ANKRD26: variants seen among roughly 807,000 people sequenced by gnomAD.
The protein encoded by ANKRD26 is ankyrin repeat domain-containing protein 26.
Under a neutral mutation model 208.7 loss-of-function variants are expected in ANKRD26, and 141 were observed. The ratio of observed to expected loss-of-function variants is 0.68; its 90% confidence interval spans 0.59 to 0.78. ANKRD26 has a LOEUF of 0.78. Among genes scored for constraint, ANKRD26 ranks in the 30% least tolerant of loss-of-function variants. The pLI is 0.00. For synonymous variants in ANKRD26, 636 were observed against 660.4 expected (o/e 0.96, Z 0.57); for missense variants, 1,889 against 1,938.7 (o/e 0.97, Z 0.48).
At chr10:27,033,073 A>C in intron 25 of ANKRD26, 152 bp downstream of exon 25, 19 of 384,192 alleles carry the variant, frequency 4.9e-5, no homozygotes, top group Non-Finnish European at 7.7e-5. Context: ...ATAGAACGAG[A>C]CTCCATCTCA....
At chr10:26,953,982 A>G in the ANKRD26 span, among the ~76,000 whole-genome samples, 1 of 152,216 alleles carries the variant, frequency 6.6e-6, no homozygotes, top group Non-Finnish European at 1.5e-5. Flanking sequence ...TCAATCATAT[A>G]ATCTAGTTAA....
At chr10:27,038,196 T>C (rs1268030459) in intron 21 of ANKRD26, 142 bp from the exon 22 acceptor site, 2 of 727,626 alleles carry the variant, frequency 2.7e-6, no homozygotes, top group Non-Finnish European at 4.4e-6. Flanking sequence ...AGTTCTCTGA[T>C]TTTTAATTTC....
At chr10:26,984,670 A>G (rs148318092) in intron 3 of ANKRD26, among the ~76,000 whole-genome samples, 5 of 152,292 alleles carry the variant, frequency 3.3e-5, no homozygotes, top group Admixed American at 2.0e-4. Flanking sequence ...ATATTGCAAT[A>G]TATCTCCCTG....
intron 5 of ANKRD26, 64 bp from the exon 6 acceptor site, chr10:27,082,897 C>T (rs904551866): frequency 2.8e-5 from 43 of 1,526,468 alleles, no homozygotes; most frequent in Middle Eastern, 2.4e-4. Context: ...AAATTTAAAG[C>T]ATAAGACTGA....
At chr10:26,983,624 G>A (rs937601097) in intron 3 of ANKRD26, among the ~76,000 whole-genome samples, 1 of 152,162 alleles carries the variant, frequency 6.6e-6, no homozygotes, top group South Asian at 2.1e-4. Flanking sequence ...CAAATGAAAG[G>A]GTAAGACAGA....
intron 25 of ANKRD26, among the ~76,000 whole-genome samples, chr10:27,032,381 T>C (rs887367320): frequency 6.6e-6 from 1 of 152,032 alleles, no homozygotes; most frequent in Non-Finnish European, 1.5e-5. Context: ...ACACCTGTAA[T>C]CACAGTACTC....
chr10:26,951,464 T>C, the ANKRD26 span, among the ~76,000 whole-genome samples: 4 of 152,304 alleles, frequency 2.6e-5, no homozygotes, highest in African/African-American at 9.6e-5. Flanking sequence ...AGATTTGAAA[T>C]TTTCTAGCAA....
chr10:27,020,977 T>TA (rs34479808), intron 29 of ANKRD26, among the ~76,000 whole-genome samples: 30,166 of 149,680 alleles, frequency 0.2, 3,562 homozygotes, highest in East Asian at 0.56. Context: ...TCTTTTCCTT[T>TA]AAAAAAAAAA....
chr10:27,065,285 G>C (rs1053213584), intron 11 of ANKRD26, among the ~76,000 whole-genome samples: 4 of 152,242 alleles, frequency 2.6e-5, no homozygotes, highest in African/African-American at 9.6e-5. Context: ...CCTACTAGTA[G>C]AGCATAAGCC....
intron 31 of ANKRD26, among the ~76,000 whole-genome samples, chr10:27,013,514 T>G (rs2053187128): frequency 6.6e-6 from 1 of 152,338 alleles, no homozygotes; most frequent in Admixed American, 6.5e-5. Context: ...TGCTTGACTA[T>G]AATAACCATT....
chr10:27,100,153 A>C lies in ANKRD26; in HGVS notation c.174T>G (p.Asn58Lys), dbSNP rs369265533. The C allele has an allele frequency of 1.1e-5, 17 of 1,613,968 alleles. No homozygotes were observed. Among genetic ancestry groups the C allele is most frequent in the Non-Finnish European group, 1.4e-5 (17 of 1,179,978 alleles). The part of the protein sequence containing the change: ...GKIHKAASAG[N>K]VAKVQQILLL... ...AAAGGATCTGCTGCACTTTCGCCAC[A>C]TTACCCGCGCTGGCAGCTTTGTGGA... The change falls in exon 1 of 34, where the codon AAT (asparagine) becomes AAG (lysine). Residue 58 changes from asparagine (N) to lysine (K), a missense_variant. Asn to Lys is a moderately conservative substitution (Grantham distance 94). Transcript: ENST00000376087.
At chr10:27,098,910 T>A (rs1207060821) in intron 1 of ANKRD26, among the ~76,000 whole-genome samples, 1 of 152,192 alleles carries the variant, frequency 6.6e-6, no homozygotes, top group African/African-American at 2.4e-5. Context: ...GTATGTATAA[T>A]CAAACTTTTT....
chr10:27,078,681 C>G (rs1205876863), intron 7 of ANKRD26, among the ~76,000 whole-genome samples: 2 of 151,912 alleles, frequency 1.3e-5, no homozygotes, highest in Non-Finnish European at 1.5e-5. Flanking sequence ...CTACTACTAC[C>G]TGAAAGCTGT....
At chr10:26,962,446 G>T in the ANKRD26 span, among the ~76,000 whole-genome samples, 1 of 151,822 alleles carries the variant, frequency 6.6e-6, no homozygotes. Flanking sequence ...GTGGTGGCGG[G>T]TGCCTGTAAT....
intron 21 of ANKRD26, 58 bp downstream of exon 21, chr10:27,039,907 A>G: frequency 6.6e-7 from 1 of 1,505,264 alleles, no homozygotes; most frequent in African/African-American, 1.4e-5. Context: ...AATTACAAGA[A>G]TTCTATATAT....
At chr10:27,043,171 T>A (rs1350823938) in intron 20 of ANKRD26, among the ~76,000 whole-genome samples, 3 of 133,256 alleles carry the variant, frequency 2.3e-5, no homozygotes, top group South Asian at 2.3e-4. Flanking sequence ...AATAAAAAAT[T>A]AAAATGAAAA....
chr10:27,064,368 C>A (rs975170879), intron 11 of ANKRD26, among the ~76,000 whole-genome samples: 1 of 152,070 alleles, frequency 6.6e-6, no homozygotes, highest in South Asian at 2.1e-4. Flanking sequence ...CTTACGCGCA[C>A]AGTTCAACAA....
rs67274022 is a variant in ANKRD26, at chr10:27,065,732, C to CAAAAAAAAA, written c.1269+746_1269+754dup. 5.8e-5 allele frequency among the ~76,000 whole-genome samples: 8 copies of CAAAAAAAAA among 137,328 alleles called. No individual in the cohort carries two copies. In the East Asian group the frequency reaches 1.1e-3, roughly 18 times the overall value. The allele number at this position is 137,328 out of a possible 152,430, so 90.1% of individuals were successfully genotyped here. A position where few individuals can be genotyped will look rare whatever the true frequency, so the allele number is the denominator to read the frequency against. On this transcript the variant is annotated intron_variant, in intron 11 of 33. Coordinates refer to ENST00000376087, the MANE Select transcript of ANKRD26 (RefSeq NM_014915.3). ...TTTCAAGTTCTAAGTTGTCAAAAAA[C>CAAAAAAAAA]AAAAAAAAAAAACAAAAAAAACTAC...
chr10:27,005,015 C>G lies in ANKRD26; in HGVS notation c.*575G>C. The G allele has an allele frequency of 1.0e-6, 1 of 982,434 alleles. No individual in the cohort carries two copies. Among genetic ancestry groups the G allele is most frequent in the Non-Finnish European group, 1.2e-6 (1 of 827,228 alleles). 60.9% of individuals were successfully genotyped at this position (982,434 alleles called of 1,614,324 possible). A position where few individuals can be genotyped will look rare whatever the true frequency, so the allele number is the denominator to read the frequency against. Reference sequence around the variant, plus strand: ...TTGTTCGGAGGAGAAAGTCTTTGTACTAAAACTTCGAAATTTTCTCTAAAC... The same window carrying G: ...TTGTTCGGAGGAGAAAGTCTTTGTAGTAAAACTTCGAAATTTTCTCTAAAC... On this transcript the variant is annotated 3_prime_UTR_variant, in exon 34 of 34. Coordinates refer to ENST00000376087, the MANE Select transcript of ANKRD26 (RefSeq NM_014915.3).
Sources: allele counts gnomAD v4.1 joint callset (sites outside exome capture counted in the v4.1 genomes callset), GRCh38; gene constraint gnomAD v4.1.1; transcripts MANE v1.5; gene names NCBI Gene and HGNC (gene_info 2026-07-23, HGNC 2026-07-21).